The following PILRA variants were observed in gnomAD, a reference collection of about 807,000 sequenced individuals.
The protein encoded by PILRA is paired immunoglobin like type 2 receptor alpha, also known as paired immunoglobulin-like type 2 receptor alpha.
PILRA carries 37 observed loss-of-function variants against 33.1 expected under a neutral mutation model. The observed-to-expected ratio is 1.12, with a 90% CI of 0.86 to 1.47. The LOEUF is 1.47. Among genes scored for constraint, PILRA ranks in the 40% most tolerant of loss-of-function variants. The pLI, the probability that PILRA is intolerant of heterozygous loss-of-function variation, is 0.00. For missense variants in PILRA, 312 were observed against 376.2 expected, an observed-to-expected ratio of 0.83 and a Z score of 1.41; for synonymous variants, 146 against 149.9, an observed-to-expected ratio of 0.97 and a Z score of 0.19.
chr7:100,385,313 C>T lies in PILRA; in HGVS notation c.455-4575C>T, dbSNP rs1228360790. ...AATTATGTGCCGATTGTATCTTGTA[C>T]TTGATGCGATTGTATCTTGTACTTG... On this transcript the variant is annotated intron_variant, in intron 2 of 6. Transcript: ENST00000198536. Among the ~76,000 whole-genome samples, 3 of 152,184 alleles carry T rather than the reference C, an allele frequency of 2.0e-5. No homozygotes were observed. In the East Asian group the frequency reaches 5.8e-4, roughly 29 times the overall value.
At chr7:100,396,547 G>GA (rs1791496429) in intron 3 of PILRA, among the ~76,000 whole-genome samples, 1 of 152,116 alleles carries the variant, frequency 6.6e-6, no homozygotes, top group Non-Finnish European at 1.5e-5. Flanking sequence ...AGCTACTTGG[G>GA]AGCTTGAGGC....
rs1790889870 is a variant in PILRA, at chr7:100,374,186, A to G, written c.207A>G (p.Ile69Met). The change falls in exon 2 of 7, where the codon ATA becomes ATG. Residue 69 changes from isoleucine (I) to methionine (M), a missense_variant. Ile to Met is a conservative substitution (Grantham distance 10, BLOSUM62 1). Transcript: ENST00000198536. ...TAGCCACAGCTCCCGACGTGAGAAT[A>G]TCCTGGAGACGGGGCCACTTCCACA... Reference protein sequence around the residue: ...WELATAPDVRISWRRGHFHRQ... With the variant: ...WELATAPDVRMSWRRGHFHRQ... The G allele has an allele frequency of 6.2e-7, 1 of 1,614,096 alleles. No individual in the cohort carries two copies.
intron 3 of PILRA, among the ~76,000 whole-genome samples, chr7:100,390,307 C>G (rs1187738905): frequency 6.6e-6 from 1 of 152,128 alleles, no homozygotes; most frequent in Admixed American, 6.5e-5. Flanking sequence ...CATGTGAGAG[C>G]CCACAGCCCT....
intron 4 of PILRA, 132 bp from the exon 5 acceptor site, chr7:100,399,159 G>T: frequency 1.6e-6 from 1 of 621,110 alleles, no homozygotes. Flanking sequence ...GGCTGGTCTT[G>T]TACTCCTGGG....
At chr7:100,397,126 TAA>T (rs34593183) in intron 3 of PILRA, among the ~76,000 whole-genome samples, 18 of 125,746 alleles carry the variant, frequency 1.4e-4, no homozygotes, top group East Asian at 4.4e-4. Flanking sequence ...GTCTAAACAT[TAA>T]AAAAAAAAAA....
chr7:100,382,879 C>T (rs1791149159), intron 2 of PILRA, among the ~76,000 whole-genome samples: 1 of 152,168 alleles, frequency 6.6e-6, no homozygotes, highest in Non-Finnish European at 1.5e-5. Context: ...ATCCAAACAT[C>T]AGAAGGAACA....
chr7:100,391,646 C>T (rs2130224200), intron 3 of PILRA, among the ~76,000 whole-genome samples: 1 of 152,304 alleles, frequency 6.6e-6, no homozygotes, highest in African/African-American at 2.4e-5. Context: ...ATGATTGTGC[C>T]ACTACACTGC....
chr7:100,382,520 A>AT (rs1791131776), intron 2 of PILRA, among the ~76,000 whole-genome samples: 1 of 152,148 alleles, frequency 6.6e-6, no homozygotes, highest in Non-Finnish European at 1.5e-5. Context: ...TAGCTCAGGG[A>AT]TTGTAAATGC....
chr7:100,386,544 G>T (rs761692641), intron 2 of PILRA, among the ~76,000 whole-genome samples: 7 of 151,940 alleles, frequency 4.6e-5, no homozygotes, highest in Non-Finnish European at 7.4e-5. Flanking sequence ...TTGAGACAGG[G>T]TCTCTCTCTG....
intron 2 of PILRA, among the ~76,000 whole-genome samples, chr7:100,381,925 C>T (rs1248864561): frequency 1.3e-5 from 2 of 152,258 alleles, no homozygotes; most frequent in East Asian, 1.9e-4. Context: ...GCGCTGTGCT[C>T]GATTTCTCGC....
intron 4 of PILRA, 48 bp downstream of exon 4, chr7:100,397,960 C>T: frequency 1.3e-6 from 2 of 1,587,334 alleles, no homozygotes; most frequent in Non-Finnish European, 1.7e-6. Context: ...CATGTGCAGG[C>T]AGTGGGCTGA....
chr7:100,379,668 C>CAAAAAAAAAAAAAAAAAAAAAAAAAA (rs57322009), intron 2 of PILRA, among the ~76,000 whole-genome samples: 1 of 69,050 alleles, frequency 1.4e-5, no homozygotes, highest in Non-Finnish European at 2.8e-5. Flanking sequence ...ACTCTGTCTC[C>CAAAAAAAAAAAAAAAAAAAAAAAAAA]AAAAAAAAAA....
intron 2 of PILRA, among the ~76,000 whole-genome samples, chr7:100,387,036 G>A (rs1161818232): frequency 6.6e-6 from 1 of 152,116 alleles, no homozygotes; most frequent in Non-Finnish European, 1.5e-5. Context: ...GGTAGTTCTT[G>A]CATAGCATTC....
rs367569519 is a variant in PILRA at position 100,399,321 on chromosome 7, T to C, written c.738T>C (p.Tyr246=). ...REPFQNTEEP[Y]ENIRNEGQNT... ...CCTTCCAAAACACAGAGGAGCCATA[T>C]GAGAATATCAGGAATGAAGGTGAGT... The change falls in exon 5 of 7, where the codon TAT becomes TAC. Residue 246 remains tyrosine (Y), a synonymous_variant. Transcript: ENST00000198536. The C allele has an allele frequency of 8.7e-6, 14 of 1,611,498 alleles. No individual in the cohort carries two copies. The African/African-American group carries it at 1.7e-4, about 20-fold the overall frequency.
rs573525396 is a variant in PILRA at position 100,382,837 on chromosome 7, C to T, written c.455-7051C>T. Among the ~76,000 whole-genome samples the T allele has an allele frequency of 1.2e-3, 178 of 152,264 alleles. 5 individuals are homozygous for T. The South Asian group carries it at 0.033, about 29-fold the overall frequency. ...TTCACTCTGGAAGCCAGCGAGACCA[C>T]GAACCCATAAAAAGGAAGAAACTCT... On this transcript the variant is annotated intron_variant, in intron 2 of 6. Transcript: ENST00000198536.
chr7:100,399,262 A>G (rs755654757), intron 4 of PILRA, 29 bp from the exon 5 acceptor site: 4 of 1,579,620 alleles, frequency 2.5e-6, no homozygotes, highest in Admixed American at 3.4e-5. Context: ...AACCTCTAAC[A>G]TATTTCCTGT....
At chr7:100,395,673 C>T (rs1791480059) in intron 3 of PILRA, among the ~76,000 whole-genome samples, 1 of 152,002 alleles carries the variant, frequency 6.6e-6, no homozygotes, top group Non-Finnish European at 1.5e-5. Flanking sequence ...CTACAGAGAG[C>T]TATCTCCTTA....
At chr7:100,395,741 T>A (rs894793808) in intron 3 of PILRA, among the ~76,000 whole-genome samples, 1 of 151,994 alleles carries the variant, frequency 6.6e-6, no homozygotes, top group African/African-American at 2.4e-5. Flanking sequence ...TTGGGAAGAA[T>A]GTGAAGAAAT....
Position 100,373,565 on chromosome 7 carries a change from T to A in PILRA, c.-92T>A. ...GGAGCCTGAGCCCGGCTCTCCTCAC[T>A]CACCTCAACCCCCAGGCGGCCCCTC... On this transcript the variant is annotated 5_prime_UTR_variant, in exon 1 of 7. Coordinates refer to ENST00000198536, the MANE Select transcript of PILRA (RefSeq NM_013439.3). The A allele has an allele frequency of 6.9e-7, 1 of 1,453,814 alleles. No individual in the cohort carries two copies. Among genetic ancestry groups the A allele is most frequent in the Non-Finnish European group, 9.6e-7 (1 of 1,041,472 alleles). 90.1% of individuals were successfully genotyped at this position (1,453,814 alleles called of 1,614,324 possible). A position where few individuals can be genotyped will look rare whatever the true frequency, so the allele number is the denominator to read the frequency against.
Sources: gnomAD v4.1 joint callset for allele counts (sites outside exome capture counted in the v4.1 genomes callset) on GRCh38, gnomAD v4.1.1 for gene constraint, MANE v1.5 for transcripts, NCBI Gene and HGNC (gene_info 2026-07-23, HGNC 2026-07-21) for gene names.